AGO4: variants seen among roughly 807,000 people sequenced by gnomAD.
AGO4 encodes protein argonaute-4.
AGO4 carries 33 observed loss-of-function variants against 104.7 expected under a neutral mutation model. That is an observed-to-expected ratio of 0.32 (90% CI 0.24 to 0.42). The LOEUF (loss-of-function observed/expected upper bound fraction) is 0.42, where lower values mean the gene tolerates loss of function less well. AGO4 is among the 10% of genes least tolerant of loss of function. AGO4 has a pLI of 1.00. For missense variants in AGO4, 711 were observed against 1,083.4 expected, an observed-to-expected ratio of 0.66 and a Z score of 4.83; for synonymous variants, 331 against 364.7, an observed-to-expected ratio of 0.91 and a Z score of 1.05.
At chr1:35,818,049 A>T (rs1158238736) in intron 2 of AGO4, among the ~76,000 whole-genome samples, 1 of 152,234 alleles carries the variant, frequency 6.6e-6, no homozygotes, top group African/African-American at 2.4e-5. Context: ...CAAACAAAAC[A>T]TGTATTTTAT....
At chr1:35,837,696 T>C (rs949493849) in intron 13 of AGO4, among the ~76,000 whole-genome samples, 1 of 151,930 alleles carries the variant, frequency 6.6e-6, no homozygotes, top group Non-Finnish European at 1.5e-5. Context: ...TCTTCTTTTA[T>C]AATGGACCTG....
rs1291355269 is a variant in AGO4, at chr1:35,854,324, A to C, written c.*719A>C. 1.3e-5 allele frequency: 2 copies of C among 152,764 alleles called. No homozygotes were observed. Among genetic ancestry groups the C allele is most frequent in the East Asian group, 3.9e-4 (2 of 5,186 alleles). The allele number at this position is 152,764 out of a possible 1,614,324, so 9.5% of individuals were successfully genotyped here. On this transcript the variant is annotated 3_prime_UTR_variant, in exon 18 of 18. Transcript: ENST00000373210. The stretch of plus-strand genomic sequence containing the variant: ...AACAGATGTAATGCATGTCACAGTG[A>C]CGGAGATAACACTGCCATGATAAAA...
chr1:35,841,671 A>T lies in AGO4; in HGVS notation c.2096A>T (p.Asp699Val), dbSNP rs145609935. 65 of 1,613,942 alleles carry T rather than the reference A, an allele frequency of 4.0e-5. No homozygotes were observed. Among genetic ancestry groups the T allele is most frequent in the Admixed American group, 2.2e-4 (13 of 59,988 alleles). Residue 699 changes from aspartate to valine, a missense_variant, in exon 15 of 18, where the codon GAT (aspartate) becomes GTT (valine). Asp to Val is a radical substitution (Grantham distance 152). Around this residue, in one of 3 missense-constraint regions of AGO4, gnomAD observed 401 missense variants for 665.5 expected, o/e 0.60. Transcript: ENST00000373210. This position sits in a 1 kb window ranked among gnomAD's most constrained non-coding sequence, Gnocchi z 4.7. ...AAGGCATGTATTAGCTTGGAAGAAG[A>T]TTACCGGCCAGGAATAACTTATATT... ...IRKACISLEE[D>V]YRPGITYIVV...
intron 15 of AGO4, among the ~76,000 whole-genome samples, chr1:35,847,782 A>G (rs1227283155): frequency 1.3e-5 from 2 of 152,078 alleles, no homozygotes; most frequent in Non-Finnish European, 2.9e-5. Context: ...AATTTTTTTC[A>G]TATTAAAATT....
Position 35,826,802 on chromosome 1 carries a change from G to A in AGO4, c.815G>A (p.Cys272Tyr). ...CGQMKRKYRVCNVTRRPASHQ... is the reference protein window; with the variant it reads ...CGQMKRKYRVYNVTRRPASHQ... Reference sequence around the variant, plus strand: ...CAGATGAAACGAAAATACCGAGTTTGTAATGTGACTAGACGGCCAGCCAGT... The same window carrying A: ...CAGATGAAACGAAAATACCGAGTTTATAATGTGACTAGACGGCCAGCCAGT... Residue 272 changes from cysteine (C) to tyrosine (Y), a missense_variant, in exon 7 of 18, where the codon TGT becomes TAT. Coordinates refer to ENST00000373210, the MANE Select transcript of AGO4 (RefSeq NM_017629.4). 1 of 1,614,170 alleles carries A rather than the reference G, an allele frequency of 6.2e-7. No homozygotes were observed. The highest frequency in any genetic ancestry group is 8.5e-7 in the Non-Finnish European group (1 of 1,180,022).
intron 1 of AGO4, 66 bp from the exon 2 acceptor site, chr1:35,816,816 A>AAAAAG: frequency 1.7e-6 from 2 of 1,179,316 alleles, no homozygotes; most frequent in Non-Finnish European, 2.3e-6. Flanking sequence ...AAAAAAAAAA[A>AAAAAG]AAAAAGAAAG....
At chr1:35,836,274 A>G (rs917761433) in intron 13 of AGO4, among the ~76,000 whole-genome samples, 11 of 152,174 alleles carry the variant, frequency 7.2e-5, no homozygotes, top group Non-Finnish European at 1.5e-4. Flanking sequence ...TATAAATGGA[A>G]TCATGCAGGA....
chr1:35,825,130 G>C (rs184634343), intron 3 of AGO4, among the ~76,000 whole-genome samples, 183 bp from the exon 4 acceptor site: 12 of 151,888 alleles, frequency 7.9e-5, no homozygotes, highest in African/African-American at 2.9e-4. Flanking sequence ...TTTCACTATT[G>C]TATAATGTTA....
intron 2 of AGO4, among the ~76,000 whole-genome samples, 165 bp downstream of exon 2, chr1:35,817,212 G>A (rs1037613243): frequency 6.6e-6 from 1 of 152,070 alleles, no homozygotes; most frequent in South Asian, 2.1e-4. Flanking sequence ...TCCTCTGTAG[G>A]CTCTAGCAAA....
chr1:35,844,076 TGTCACCCAGGGTG>T (rs1644510488), intron 15 of AGO4, among the ~76,000 whole-genome samples: 1 of 152,178 alleles, frequency 6.6e-6, no homozygotes. Context: ...CATCTCACTC[TGTCACCCAGGGTG>T]GAGTGCAGTG....
At chr1:35,842,541 G>A (rs533127927) in intron 15 of AGO4, among the ~76,000 whole-genome samples, 69 of 152,276 alleles carry the variant, frequency 4.5e-4, no homozygotes, top group Middle Eastern at 6.8e-3. Flanking sequence ...TGTGGCTCAC[G>A]CCTGTAATCC....
chr1:35,848,688 A>G (rs1644631612), intron 15 of AGO4, among the ~76,000 whole-genome samples: 1 of 151,246 alleles, frequency 6.6e-6, no homozygotes, highest in Non-Finnish European at 1.5e-5. Context: ...TATATACTTT[A>G]TATCCCTTTT....
intron 3 of AGO4, among the ~76,000 whole-genome samples, chr1:35,823,662 C>A (rs1643937710): frequency 6.6e-6 from 1 of 150,922 alleles, no homozygotes; most frequent in Admixed American, 6.6e-5. Flanking sequence ...AACTCCTGAC[C>A]TCAGGTGATC....
intron 15 of AGO4, among the ~76,000 whole-genome samples, chr1:35,844,207 A>G (rs1030438777): frequency 6.6e-6 from 1 of 151,910 alleles, no homozygotes; most frequent in Non-Finnish European, 1.5e-5. Context: ...ACTCTTGGCT[A>G]CTTTTTTTGT....
Position 35,808,576 on chromosome 1 carries a change from C to A in AGO4, c.19+141C>A. The A allele has an allele frequency of 1.3e-6, 1 of 757,106 alleles. No individual in the cohort carries two copies. 46.9% of individuals were successfully genotyped at this position (757,106 alleles called of 1,614,324 possible). A position where few individuals can be genotyped will look rare whatever the true frequency, so the allele number is the denominator to read the frequency against. ...GGGACCCGAGCCCCGCAGCACGAAG[C>A]GGAGGGAGCTGACCCGGGCCTGGGG... On this transcript the variant is annotated intron_variant, in intron 1 of 17. Transcript: ENST00000373210. This position sits in a 1 kb window ranked among gnomAD's most constrained non-coding sequence, Gnocchi z 5.2.
At position 35,857,879 on chromosome 1, in the gene AGO4, T is replaced by C. The variant is rs1644847242; in HGVS notation, c.*4274T>C. The C allele has an allele frequency of 6.6e-6, 1 of 152,214 alleles. No individual in the cohort carries two copies. Among genetic ancestry groups the C allele is most frequent in the Non-Finnish European group, 1.5e-5 (1 of 68,036 alleles). The allele number at this position is 152,214 out of a possible 1,614,324, so 9.4% of individuals were successfully genotyped here. The stretch of plus-strand genomic sequence containing the variant: ...GTCAATTAAAACTAAAATAAAACTT[T>C]TAAAAAAGAAATTTCTATTTGAGAA... On this transcript the variant is annotated 3_prime_UTR_variant, in exon 18 of 18. Coordinates refer to ENST00000373210, the MANE Select transcript of AGO4 (RefSeq NM_017629.4).
intron 7 of AGO4, 58 bp from the exon 8 acceptor site, chr1:35,831,369 A>AAAAAGAT (rs1644180384): frequency 1.9e-6 from 3 of 1,540,332 alleles, no homozygotes; most frequent in Non-Finnish European, 2.6e-6. Context: ...AGAAAAAAGA[A>AAAAAGAT]AAAGAAGAAA....
intron 15 of AGO4, among the ~76,000 whole-genome samples, chr1:35,849,520 A>G (rs1208734808): frequency 7.3e-6 from 1 of 137,404 alleles, no homozygotes; most frequent in Non-Finnish European, 1.5e-5. Flanking sequence ...CCGTGTCTCA[A>G]AAAAAAAAAA....
At chr1:35,823,130 C>T (rs1195166373) in intron 3 of AGO4, 148 bp downstream of exon 3, 2 of 894,326 alleles carry the variant, frequency 2.2e-6, no homozygotes, top group East Asian at 5.6e-5. Flanking sequence ...TTACACATTG[C>T]ATACAGATAT....
Sources: gnomAD v4.1 joint callset for allele counts (sites outside exome capture counted in the v4.1 genomes callset) on GRCh38, gnomAD v4.1.1 for gene constraint, gnomAD v4.1.1 regional missense constraint, Gnocchi (gnomAD v3.1) non-coding constraint, MANE v1.5 for transcripts, NCBI Gene and HGNC (gene_info 2026-07-23, HGNC 2026-07-21) for gene names.